Variants in KCNU1 observed in about 807,000 individuals in gnomAD.
KCNU1 encodes the protein potassium calcium-activated channel subfamily U member 1.
Under a neutral mutation model 126.8 loss-of-function variants are expected in KCNU1, and 93 were observed. The observed-to-expected ratio is 0.73, with a 90% CI of 0.62 to 0.87. KCNU1 has a LOEUF of 0.87. Ranked by LOEUF, KCNU1 falls within the 40% of genes least tolerant of loss-of-function variation. The probability of loss-of-function intolerance (pLI) is 0.00; values close to 1 mark genes in which losing one functional copy is unlikely to be tolerated. For synonymous variants in KCNU1, 523 were observed against 494.2 expected (o/e 1.06, Z -0.77); for missense variants, 1,330 against 1,367.1 (o/e 0.97, Z 0.43).
At chr8:36,885,490 G>A (rs1201890451) in intron 19 of KCNU1, among the ~76,000 whole-genome samples, 1 of 152,118 alleles carries the variant, frequency 6.6e-6, no homozygotes, top group East Asian at 1.9e-4. Flanking sequence ...AGGAGAAGGA[G>A]GTTGCAGTGT....
chr8:36,922,575 C>G lies in KCNU1; in HGVS notation c.2682C>G (p.Ala894=). ...LQETNLHLST[A]FSTGTVFSGS... is the part of the protein sequence containing the mutation. ...AAACAAATCTGCATCTCAGCACTGC[C>G]TTTTCTACGGGCACTGTTTTTTCCG... Residue 894 remains alanine, a synonymous_variant, in exon 24 of 27, where the codon GCC becomes GCG. Coordinates refer to ENST00000399881, the MANE Select transcript of KCNU1 (RefSeq NM_001031836.3). 1 of 1,613,696 alleles carries G rather than the reference C, an allele frequency of 6.2e-7. No homozygotes were observed. Among genetic ancestry groups the G allele is most frequent in the Non-Finnish European group, 8.5e-7 (1 of 1,179,774 alleles).
At chr8:36,788,216 T>TAACCTTACC (rs1330176227) in intron 2 of KCNU1, among the ~76,000 whole-genome samples, 1 of 152,190 alleles carries the variant, frequency 6.6e-6, no homozygotes, top group African/African-American at 2.4e-5. Flanking sequence ...CGGGGCATCC[T>TAACCTTACC]AACCTTACCT....
At chr8:36,820,887 C>T (rs915475800) in intron 10 of KCNU1, among the ~76,000 whole-genome samples, 4 of 152,158 alleles carry the variant, frequency 2.6e-5, no homozygotes, top group Non-Finnish European at 5.9e-5. Flanking sequence ...AAGAAGCTTA[C>T]AGACATTCTT....
At chr8:36,856,070 A>G (rs1019139220) in intron 18 of KCNU1, among the ~76,000 whole-genome samples, 10 of 152,186 alleles carry the variant, frequency 6.6e-5, no homozygotes, top group African/African-American at 2.4e-4. Context: ...AATAATTAAC[A>G]TCAGTTAATG....
At chr8:36,907,451 A>G (rs1476709323) in intron 20 of KCNU1, among the ~76,000 whole-genome samples, 5 of 152,168 alleles carry the variant, frequency 3.3e-5, no homozygotes, top group Admixed American at 3.3e-4. Flanking sequence ...GTTACATTAA[A>G]TACCGTTAGA....
intron 10 of KCNU1, among the ~76,000 whole-genome samples, chr8:36,824,448 A>C (rs1804242832): frequency 6.6e-6 from 1 of 152,192 alleles, no homozygotes; most frequent in African/African-American, 2.4e-5. Flanking sequence ...CTAATTTATA[A>C]ATTAAATGTT....
intron 19 of KCNU1, among the ~76,000 whole-genome samples, chr8:36,892,600 C>T (rs1708952615): frequency 6.6e-6 from 1 of 150,712 alleles, no homozygotes; most frequent in African/African-American, 2.4e-5. Flanking sequence ...ACTCTACAAA[C>T]TATTTTGCTA....
chr8:36,935,931 ATTC>A lies in KCNU1; in HGVS notation c.*15_*17del, dbSNP rs1040320925. 2 of 1,538,338 alleles carry A rather than the reference ATTC, an allele frequency of 1.3e-6. No individual in the cohort carries two copies. Among genetic ancestry groups the A allele is most frequent in the African/African-American group, 2.8e-5 (2 of 72,334 alleles). On this transcript the variant is annotated 3_prime_UTR_variant, in exon 27 of 27. Transcript: ENST00000399881. Reference sequence around the variant, plus strand: ...TCAGAGCCACTATAGACCTGCCCATATTCTTCACGTGCTCTTAACTTGCTGCTT... The same window carrying A: ...TCAGAGCCACTATAGACCTGCCCATATTCACGTGCTCTTAACTTGCTGCTT...
At position 36,845,794 on chromosome 8, in the gene KCNU1, T is replaced by A; in HGVS notation, c.1794-8T>A. 6.3e-7 allele frequency: 1 copy of A among 1,597,680 alleles called. No homozygotes were observed. The highest frequency in any genetic ancestry group is 1.1e-5 in the South Asian group (1 of 90,306). ...ATAATTCATTCTTGGTTTTCTTTCA[T>A]TGTCCAGAGCCTTGTTTTACTGTTC... On this transcript the variant is annotated splice_region_variant and splice_polypyrimidine_tract_variant and intron_variant, in intron 17 of 26. Transcript: ENST00000399881.
intron 19 of KCNU1, among the ~76,000 whole-genome samples, chr8:36,880,143 T>C (rs1489235420): frequency 2.0e-5 from 3 of 152,228 alleles, no homozygotes; most frequent in African/African-American, 7.2e-5. Flanking sequence ...GAGAATACTT[T>C]GAAGTAATAT....
chr8:36,819,232 T>C (rs562948499), intron 10 of KCNU1, among the ~76,000 whole-genome samples: 3 of 152,296 alleles, frequency 2.0e-5, no homozygotes, highest in South Asian at 4.1e-4. Context: ...AATTGCCTCC[T>C]GGATATTTTT....
At chr8:36,876,067 G>T (rs531844285) in intron 19 of KCNU1, among the ~76,000 whole-genome samples, 1 of 152,124 alleles carries the variant, frequency 6.6e-6, no homozygotes, top group African/African-American at 2.4e-5. Flanking sequence ...TTTAGGGCCA[G>T]GTCAAGTATC....
At chr8:36,891,631 C>T (rs922780382) in intron 19 of KCNU1, among the ~76,000 whole-genome samples, 8 of 152,034 alleles carry the variant, frequency 5.3e-5, no homozygotes, top group Non-Finnish European at 8.8e-5. Context: ...TCTTTAGTAT[C>T]GTTTGTAATA....
intron 19 of KCNU1, among the ~76,000 whole-genome samples, chr8:36,885,366 C>A (rs570170482): frequency 6.6e-6 from 1 of 151,808 alleles, no homozygotes; most frequent in Admixed American, 6.6e-5. Flanking sequence ...ACCAGCCCGA[C>A]CAACATGATG....
At chr8:36,845,113 A>T (rs1383029114) in intron 16 of KCNU1, among the ~76,000 whole-genome samples, 1 of 152,228 alleles carries the variant, frequency 6.6e-6, no homozygotes, top group African/African-American at 2.4e-5. Context: ...AAAACTGCAT[A>T]GGTGAATAGA....
intron 14 of KCNU1, among the ~76,000 whole-genome samples, chr8:36,839,124 G>C (rs553575979): frequency 6.6e-6 from 1 of 152,084 alleles, no homozygotes; most frequent in Non-Finnish European, 1.5e-5. Flanking sequence ...AGATTAAAAG[G>C]CCTTGAGTCA....
At chr8:36,891,449 T>G (rs1032269099) in intron 19 of KCNU1, among the ~76,000 whole-genome samples, 1 of 151,948 alleles carries the variant, frequency 6.6e-6, no homozygotes, top group African/African-American at 2.4e-5. Context: ...TACAAAAGGA[T>G]GGATGGATGG....
intron 24 of KCNU1, among the ~76,000 whole-genome samples, chr8:36,926,244 A>G (rs1808527550): frequency 6.6e-6 from 1 of 152,118 alleles, no homozygotes; most frequent in South Asian, 2.1e-4. Context: ...TTCAGATCCA[A>G]GTGTATGTGA....
intron 19 of KCNU1, among the ~76,000 whole-genome samples, chr8:36,873,192 C>T (rs1806165073): frequency 6.6e-6 from 1 of 152,130 alleles, no homozygotes; most frequent in African/African-American, 2.4e-5. Context: ...TAGACCCTGT[C>T]TCATTCTCCC....
Sources: gnomAD v4.1 joint callset for allele counts (sites outside exome capture counted in the v4.1 genomes callset) on GRCh38, gnomAD v4.1.1 for gene constraint, MANE v1.5 for transcripts, NCBI Gene and HGNC (gene_info 2026-07-23, HGNC 2026-07-21) for gene names.